The following DIS3L2 variants were observed in gnomAD, a reference collection of about 807,000 sequenced individuals.
DIS3L2 encodes the protein DIS3 like 3'-5' exoribonuclease 2.
Under a neutral mutation model 97.5 loss-of-function variants are expected in DIS3L2, and 34 were observed. The observed-to-expected ratio is 0.35, with a 90% CI of 0.27 to 0.46. The LOEUF is 0.46. Ranked by LOEUF, DIS3L2 falls within the 20% of genes least tolerant of loss-of-function variation. The pLI is 1.00. For synonymous variants in DIS3L2, 435 were observed against 445.2 expected (o/e 0.98, Z 0.29); for missense variants, 1,038 against 1,146.0 (o/e 0.91, Z 1.36).
chr2:232,052,961 TG>T (rs1320079015), intron 5 of DIS3L2, among the ~76,000 whole-genome samples: 3 of 152,276 alleles, frequency 2.0e-5, no homozygotes, highest in Admixed American at 6.5e-5. Context: ...CGTTTGTTGT[TG>T]AGTACCTGTT....
chr2:232,234,785 G>A (rs1692888095), intron 10 of DIS3L2, among the ~76,000 whole-genome samples: 1 of 152,212 alleles, frequency 6.6e-6, no homozygotes, highest in Non-Finnish European at 1.5e-5. Context: ...CCATTAGACC[G>A]AGAGCTCCTT....
At chr2:232,068,879 C>T (rs926785255) in intron 5 of DIS3L2, among the ~76,000 whole-genome samples, 5 of 150,928 alleles carry the variant, frequency 3.3e-5, no homozygotes, top group African/African-American at 9.8e-5. Flanking sequence ...AGTGCAGTGG[C>T]GATCTCGGCT....
chr2:231,981,330 G>T (rs955989026), intron 1 of DIS3L2, among the ~76,000 whole-genome samples: 2 of 151,774 alleles, frequency 1.3e-5, no homozygotes, highest in African/African-American at 4.8e-5. Context: ...ACTTAGAATT[G>T]ATCTTTTTTT....
Position 232,336,606 on chromosome 2 carries a change from G to A in DIS3L2, c.2634G>A (p.Glu878=). Residue 878 remains glutamate (E), a synonymous_variant, in exon 21 of 21, where the codon GAG becomes GAA. Transcript: ENST00000325385. ...AGGAGGAGGAGGAGTCTGACGGTGA[G>A]CCCGAGGACTCAAGCACCAGCTGAG... ...PEKEEEESDG[E]PEDSSTS is the part of the protein sequence containing the mutation. 1 of 1,606,436 alleles carries A rather than the reference G, an allele frequency of 6.2e-7. No homozygotes were observed. The highest frequency in any genetic ancestry group is 8.5e-7 in the Non-Finnish European group (1 of 1,179,634).
rs11679810 is a variant in DIS3L2 at position 232,289,839 on chromosome 2, A to G, written c.1660-10201A>G. 2.6e-3 allele frequency among the ~76,000 whole-genome samples: 396 copies of G among 152,308 alleles called. 1 individual carries two copies. Among genetic ancestry groups the G allele is most frequent in the Non-Finnish European group, 4.7e-3 (317 of 68,018 alleles). Reference sequence around the variant, plus strand: ...TGTGTAGCTGTGGGAGGCTTCCACAAGGTCTGCAGCTTGGGTAGGACCACT... The same window carrying G: ...TGTGTAGCTGTGGGAGGCTTCCACAGGGTCTGCAGCTTGGGTAGGACCACT... On this transcript the variant is annotated intron_variant, in intron 13 of 20. Coordinates refer to ENST00000325385, the MANE Select transcript of DIS3L2 (RefSeq NM_152383.5).
At chr2:232,223,417 A>G (rs1228117475) in intron 10 of DIS3L2, among the ~76,000 whole-genome samples, 2 of 152,230 alleles carry the variant, frequency 1.3e-5, no homozygotes, top group African/African-American at 2.4e-5. Flanking sequence ...TGAACTAGAC[A>G]GTTTCTCAAG....
chr2:231,990,462 G>A (rs145520746), intron 1 of DIS3L2, among the ~76,000 whole-genome samples: 18 of 152,252 alleles, frequency 1.2e-4, no homozygotes, highest in Non-Finnish European at 2.2e-4. Context: ...AATCTTAGTC[G>A]CTTCAGTGTA....
chr2:232,334,221 C>T (rs1365858162), intron 17 of DIS3L2, 148 bp from the exon 18 acceptor site: 43 of 1,246,138 alleles, frequency 3.5e-5, no homozygotes, highest in Non-Finnish European at 4.0e-5. Flanking sequence ...GCGCTGACCT[C>T]GAAGGGCCGC....
intron 1 of DIS3L2, among the ~76,000 whole-genome samples, chr2:232,014,391 G>A (rs1257651639): frequency 2.0e-5 from 3 of 152,130 alleles, no homozygotes; most frequent in Non-Finnish European, 4.4e-5. Context: ...TGACTTACTT[G>A]GTTTCATAGA....
At chr2:232,001,510 A>G (rs1451444335) in intron 1 of DIS3L2, among the ~76,000 whole-genome samples, 1 of 104,368 alleles carries the variant, frequency 9.6e-6, no homozygotes, top group African/African-American at 4.0e-5. Flanking sequence ...TGCTCTGTTG[A>G]TTTTTTGCTT....
chr2:232,118,130 C>T (rs766395465), intron 6 of DIS3L2, among the ~76,000 whole-genome samples: 11 of 152,194 alleles, frequency 7.2e-5, no homozygotes, highest in African/African-American at 1.2e-4. Flanking sequence ...CTCCATGGGC[C>T]TCTCTATGTG....
chr2:232,237,392 C>T (rs1692961306), intron 10 of DIS3L2, among the ~76,000 whole-genome samples: 2 of 152,116 alleles, frequency 1.3e-5, no homozygotes, highest in South Asian at 4.1e-4. Context: ...GAAAGTGGGT[C>T]CTTTACCAGA....
At chr2:232,078,132 C>T (rs2106295769) in intron 5 of DIS3L2, among the ~76,000 whole-genome samples, 1 of 151,742 alleles carries the variant, frequency 6.6e-6, no homozygotes, top group South Asian at 2.1e-4. Flanking sequence ...CAACCACCAC[C>T]TCCCGGGTTC....
intron 6 of DIS3L2, among the ~76,000 whole-genome samples, chr2:232,121,258 T>C (rs1409171464): frequency 6.6e-6 from 1 of 152,162 alleles, no homozygotes; most frequent in African/African-American, 2.4e-5. Flanking sequence ...ATTGAAATAC[T>C]TTCTTTCTTT....
chr2:232,071,637 A>G (rs1012332491), intron 5 of DIS3L2, among the ~76,000 whole-genome samples: 3 of 152,196 alleles, frequency 2.0e-5, no homozygotes, highest in African/African-American at 7.2e-5. Flanking sequence ...AGATAAGATT[A>G]AAATAACTGA....
chr2:232,152,343 A>G (rs1690363474), intron 8 of DIS3L2, among the ~76,000 whole-genome samples: 2 of 15,776 alleles, frequency 1.3e-4, no homozygotes, highest in South Asian at 2.6e-3. Flanking sequence ...ATTTAGTGCT[A>G]TAAATTTCCC....
intron 10 of DIS3L2, among the ~76,000 whole-genome samples, chr2:232,228,076 C>G (rs181172281): frequency 2.0e-5 from 3 of 152,142 alleles, no homozygotes; most frequent in Non-Finnish European, 4.4e-5. Flanking sequence ...AAGCGATTCT[C>G]CTGCCTCAGC....
intron 6 of DIS3L2, among the ~76,000 whole-genome samples, chr2:232,124,319 ACT>A (rs1697993447): frequency 6.6e-6 from 1 of 152,202 alleles, no homozygotes; most frequent in Admixed American, 6.5e-5. Context: ...TTTGAAGATA[ACT>A]CTGAATTATG....
intron 6 of DIS3L2, among the ~76,000 whole-genome samples, chr2:232,124,635 G>A (rs1178476872): frequency 6.6e-6 from 1 of 152,160 alleles, no homozygotes; most frequent in Non-Finnish European, 1.5e-5. Context: ...TAGAGTTCTA[G>A]AAGAAGATGA....
Sources: allele counts gnomAD v4.1 joint callset (sites outside exome capture counted in the v4.1 genomes callset), GRCh38; gene constraint gnomAD v4.1.1; transcripts MANE v1.5; gene names NCBI Gene and HGNC (gene_info 2026-07-23, HGNC 2026-07-21).